The following SHROOM4 variants were observed in gnomAD, a reference collection of about 807,000 sequenced individuals.
SHROOM4 encodes the protein shroom family member 4.
SHROOM4 carries 17 observed loss-of-function variants against 80.3 expected under a neutral mutation model. That is an observed-to-expected ratio of 0.21 (90% CI 0.14 to 0.32). The LOEUF (loss-of-function observed/expected upper bound fraction) is 0.32, where lower values mean the gene tolerates loss of function less well. SHROOM4 is among the 10% of genes least tolerant of loss of function. The probability of loss-of-function intolerance (pLI) is 1.00; values close to 1 mark genes in which losing one functional copy is unlikely to be tolerated. For synonymous variants in SHROOM4, 400 were observed against 437.5 expected, an observed-to-expected ratio of 0.91 and a Z score of 1.07; for missense variants, 993 against 1,140.3, an observed-to-expected ratio of 0.87 and a Z score of 1.86.
intron 1 of SHROOM4, among the ~76,000 whole-genome samples, chrX:50,761,874 TC>T (rs1253574495): frequency 8.9e-6 from 1 of 112,054 alleles, no homozygotes; most frequent in African/African-American, 3.2e-5. Context: ...ATGTATGTCT[TC>T]TTTTCAAAAG....
intron 1 of SHROOM4, among the ~76,000 whole-genome samples, chrX:50,729,674 C>T (rs1934321610): frequency 9.0e-6 from 1 of 110,919 alleles, no homozygotes; most frequent in South Asian, 3.8e-4. Context: ...CTCAATGATC[C>T]ACACCCAGAT....
intron 1 of SHROOM4, among the ~76,000 whole-genome samples, chrX:50,731,492 G>A (rs908590569): frequency 8.9e-6 from 1 of 111,989 alleles, no homozygotes; most frequent in African/African-American, 3.2e-5. Context: ...AAGAGATGGG[G>A]ATCCTGTCTT....
At chrX:50,783,956 G>A (rs1207783448) in intron 1 of SHROOM4, among the ~76,000 whole-genome samples, 1 of 112,082 alleles carries the variant, frequency 8.9e-6, no homozygotes, top group African/African-American at 3.2e-5. Flanking sequence ...GGACTTATAC[G>A]ACTTGATTTC....
At chrX:50,798,376 T>C (rs1434695157) in intron 1 of SHROOM4, among the ~76,000 whole-genome samples, 1 of 112,226 alleles carries the variant, frequency 8.9e-6, no homozygotes, top group Non-Finnish European at 1.9e-5. Flanking sequence ...CAGAGTCTAA[T>C]CTGTGTTTTT....
chrX:50,661,152 C>T lies in SHROOM4; in HGVS notation c.270-22844G>A, dbSNP rs183516171. ...TTCGGGTGCTTTAAATTTCAACTTT[C>T]GTGTTGTCAGATTTAACAATTTTCT... On this transcript the variant is annotated intron_variant, in intron 2 of 8. Coordinates refer to ENST00000376020, the MANE Select transcript of SHROOM4 (RefSeq NM_020717.5). Among the ~76,000 whole-genome samples the T allele has an allele frequency of 2.4e-4, 27 of 111,203 alleles. No homozygotes were observed. In the East Asian group the frequency reaches 7.1e-3, roughly 29 times the overall value.
chrX:50,777,584 C>T (rs1935537432), intron 1 of SHROOM4, among the ~76,000 whole-genome samples: 1 of 111,025 alleles, frequency 9.0e-6, no homozygotes, highest in Non-Finnish European at 1.9e-5. Context: ...GGGAAAAGAA[C>T]CATAATAAAT....
Position 50,635,682 on chromosome X carries a change from G to A in SHROOM4, c.405-14C>T. 1 of 1,202,942 alleles carries A rather than the reference G, an allele frequency of 8.3e-7. No homozygotes were observed. Among genetic ancestry groups the A allele is most frequent in the African/African-American group, 1.8e-5 (1 of 57,003 alleles). Reference sequence around the variant, plus strand: ...ACACACACGTCACTGTAAGACACAGGGCATACTGGTTAGTTAGCGAAGTCA... The same window carrying A: ...ACACACACGTCACTGTAAGACACAGAGCATACTGGTTAGTTAGCGAAGTCA... On this transcript the variant is annotated splice_polypyrimidine_tract_variant and intron_variant, in intron 3 of 8. Coordinates refer to ENST00000376020, the MANE Select transcript of SHROOM4 (RefSeq NM_020717.5).
chrX:50,684,863 A>C (rs782581076), intron 2 of SHROOM4, among the ~76,000 whole-genome samples: 5 of 112,207 alleles, frequency 4.5e-5, no homozygotes, highest in South Asian at 3.7e-4. Context: ...CAGAAAGATA[A>C]GGATAGAAAA....
chrX:50,695,794 A>G lies in SHROOM4; in HGVS notation c.261T>C (p.Ile87=), dbSNP rs782561598. Residue 87 remains isoleucine, a synonymous_variant, in exon 2 of 9, where the codon ATT becomes ATC. Transcript: ENST00000376020. ...IKGSFRILKL[I]VRRRNAPVSR... ...ATCTCCCTGTACCTTACCTCCTGAC[A>G]ATCAGCTTGAGAATCCGGAAGGAGC... 2.6e-5 allele frequency: 31 copies of G among 1,209,954 alleles called. No individual in the cohort carries two copies. The highest frequency in any genetic ancestry group is 3.2e-5 in the Non-Finnish European group (29 of 895,178).
At chrX:50,693,461 C>G (rs1457159797) in intron 2 of SHROOM4, among the ~76,000 whole-genome samples, 1 of 108,110 alleles carries the variant, frequency 9.2e-6, no homozygotes, top group Non-Finnish European at 1.9e-5. Flanking sequence ...AGTTACTCAG[C>G]AGGCTGAGGC....
At chrX:50,658,350 A>G (rs1037748128) in intron 2 of SHROOM4, among the ~76,000 whole-genome samples, 3 of 111,169 alleles carry the variant, frequency 2.7e-5, no homozygotes, top group Non-Finnish European at 5.7e-5. Context: ...TTTACCCCTC[A>G]AATCTGTCTA....
Position 50,671,193 on chromosome X carries a change from T to A in SHROOM4, c.269+24593A>T, listed in dbSNP as rs147095935. Among the ~76,000 whole-genome samples, 424 of 111,933 alleles carry A rather than the reference T, an allele frequency of 3.8e-3. 3 individuals carry two copies. Among genetic ancestry groups the A allele is most frequent in the African/African-American group, 0.013 (401 of 30,829 alleles). On this transcript the variant is annotated intron_variant, in intron 2 of 8. Transcript: ENST00000376020. ...CAGATGTGCTGTCATCCAGGTTTGGTTCCATTTATAGAGCACAGACAGAGT... is the reference window on the plus strand; with the variant it reads ...CAGATGTGCTGTCATCCAGGTTTGGATCCATTTATAGAGCACAGACAGAGT...
At chrX:50,738,558 A>G (rs1233928016) in intron 1 of SHROOM4, among the ~76,000 whole-genome samples, 2 of 111,526 alleles carry the variant, frequency 1.8e-5, no homozygotes, top group African/African-American at 3.3e-5. Context: ...GAGCCAAATC[A>G]TGAGTGAACT....
chrX:50,586,175 A>T (rs1181916334), downstream of SHROOM4, among the ~76,000 whole-genome samples: 1 of 111,990 alleles, frequency 8.9e-6, no homozygotes, highest in Non-Finnish European at 1.9e-5. Context: ...ATAAGTTATC[A>T]TTTATTGTAT....
chrX:50,788,532 C>T (rs782473073), intron 1 of SHROOM4, among the ~76,000 whole-genome samples: 6 of 106,675 alleles, frequency 5.6e-5, no homozygotes, highest in South Asian at 4.2e-4. Context: ...GGCATGAACC[C>T]GGGAGGCGGA....
intron 2 of SHROOM4, among the ~76,000 whole-genome samples, chrX:50,662,678 T>G (rs1275072451): frequency 8.9e-6 from 1 of 112,207 alleles, no homozygotes; most frequent in Admixed American, 9.5e-5. Flanking sequence ...TATCCCCATT[T>G]TACAGAAAAG....
intron 5 of SHROOM4, among the ~76,000 whole-genome samples, chrX:50,610,966 T>C (rs782781770): frequency 9.0e-6 from 1 of 110,688 alleles, no homozygotes. Flanking sequence ...AAAACTAAGA[T>C]AATGAGAAAA....
intron 1 of SHROOM4, among the ~76,000 whole-genome samples, chrX:50,762,666 G>A (rs1394834174): frequency 2.7e-5 from 3 of 111,556 alleles, no homozygotes; most frequent in African/African-American, 6.5e-5. Flanking sequence ...GCCAGATACA[G>A]GATTCTTGGT....
At chrX:50,795,100 TGA>T (rs1935954533) in intron 1 of SHROOM4, among the ~76,000 whole-genome samples, 8 of 55,099 alleles carry the variant, frequency 1.5e-4, no homozygotes, top group African/African-American at 7.2e-4. Flanking sequence ...TATATATATA[TGA>T]TATATATATA....
Sources: gnomAD v4.1 joint callset for allele counts (sites outside exome capture counted in the v4.1 genomes callset) on GRCh38, gnomAD v4.1.1 for gene constraint, MANE v1.5 for transcripts, NCBI Gene and HGNC (gene_info 2026-07-23, HGNC 2026-07-21) for gene names.